SUN1: variants seen among roughly 807,000 people sequenced by gnomAD.
SUN1 encodes the protein SUN domain-containing protein 1.
SUN1 carries 61 observed loss-of-function variants against 103.2 expected under a neutral mutation model. That is an observed-to-expected ratio of 0.59 (90% confidence interval 0.48 to 0.73). The LOEUF (loss-of-function observed/expected upper bound fraction) is 0.73, where lower values mean the gene tolerates loss of function less well. Ranked by LOEUF, SUN1 falls within the 30% of genes least tolerant of loss-of-function variation. The probability of loss-of-function intolerance (pLI) is 0.00; values close to 1 mark genes in which losing one functional copy is unlikely to be tolerated. For missense variants in SUN1, 1,052 were observed against 1,034.6 expected, an observed-to-expected ratio of 1.02 and a Z score of -0.23; for synonymous variants, 490 against 425.7, an observed-to-expected ratio of 1.15 and a Z score of -1.86.
intron 9 of SUN1, 58 bp from the exon 10 acceptor site, chr7:853,351 T>C (rs1218889005): frequency 1.3e-6 from 2 of 1,593,774 alleles, no homozygotes; most frequent in Non-Finnish European, 1.7e-6. Flanking sequence ...GAGGTTTAAC[T>C]GACTCTGTGC....
chr7:848,466 CT>C (rs777482336), intron 5 of SUN1: 4 of 1,364,224 alleles, frequency 2.9e-6, no homozygotes, highest in Admixed American at 1.9e-5. Flanking sequence ...GCCAGATACA[CT>C]GCATCATCTT....
chr7:843,999 C>A, intron 5 of SUN1: 1 of 591,748 alleles, frequency 1.7e-6, no homozygotes, highest in Non-Finnish European at 2.2e-6. Flanking sequence ...ACCTGTAGGT[C>A]TGGGAAGGAC....
chr7:834,783 T>C (rs1395765239), intron 1 of SUN1, among the ~76,000 whole-genome samples: 2 of 151,700 alleles, frequency 1.3e-5, no homozygotes, highest in Non-Finnish European at 2.9e-5. Flanking sequence ...AAATTTTTTT[T>C]CTCTTTTGGG....
At chr7:839,575 A>T (rs1427393635) in intron 2 of SUN1, among the ~76,000 whole-genome samples, 1 of 116,430 alleles carries the variant, frequency 8.6e-6, no homozygotes, top group South Asian at 2.8e-4. Flanking sequence ...TTTGAGACAG[A>T]GTCTCACTTC....
chr7:861,638 G>C (rs1252131525), intron 15 of SUN1, among the ~76,000 whole-genome samples, 174 bp downstream of exon 15: 2 of 152,252 alleles, frequency 1.3e-5, no homozygotes, highest in African/African-American at 4.8e-5. Flanking sequence ...TTCCTGGCCA[G>C]TTGTGTTTGG....
At chr7:823,887 C>G (rs1788799456) in intron 1 of SUN1, among the ~76,000 whole-genome samples, 1 of 152,110 alleles carries the variant, frequency 6.6e-6, no homozygotes, top group South Asian at 2.1e-4. Flanking sequence ...GCGGAAATGC[C>G]CAACAGGAAA....
At chr7:854,784 C>T in intron 10 of SUN1, 136 bp from the exon 11 acceptor site, 1 of 610,048 alleles carries the variant, frequency 1.6e-6, no homozygotes, top group Non-Finnish European at 2.9e-6. Context: ...CGGATTATTC[C>T]TTTAGGGTCC....
chr7:873,158 G>T, intron 18 of SUN1, 57 bp from the exon 19 acceptor site: 1 of 1,482,796 alleles, frequency 6.7e-7, no homozygotes. Context: ...GGAAGTGATT[G>T]GACTTGGGGT....
chr7:820,059 C>G (rs1362751904), intron 1 of SUN1, among the ~76,000 whole-genome samples: 2 of 152,184 alleles, frequency 1.3e-5, no homozygotes, highest in East Asian at 3.9e-4. Flanking sequence ...TATTTGGGAC[C>G]CATTGCAGTT....
At chr7:846,427 A>G (rs1815840866) in intron 5 of SUN1, among the ~76,000 whole-genome samples, 3 of 151,960 alleles carry the variant, frequency 2.0e-5, no homozygotes, top group African/African-American at 7.2e-5. Context: ...TGTATCTTTT[A>G]AAGTGAGAGG....
chr7:872,480 A>C lies in SUN1; in HGVS notation c.2159A>C (p.Asn720Thr). The C allele has an allele frequency of 1.2e-6, 2 of 1,602,692 alleles. No individual in the cohort carries two copies. Among genetic ancestry groups the C allele is most frequent in the Non-Finnish European group, 1.7e-6 (2 of 1,174,452 alleles). Residue 720 changes from asparagine to threonine, a missense_variant, in exon 18 of 19, where the codon AAT (asparagine) becomes ACT (threonine). Transcript: ENST00000401592. Reference protein sequence around the residue: ...PKDFAVYGLENEYQEEGQLLG... With the variant: ...PKDFAVYGLETEYQEEGQLLG... Reference sequence around the variant, plus strand: ...TGGTCTTGTTTTCAGGGATTAGAAAATGAGTATCAGGAAGAAGGGCAGCTT... The same window carrying C: ...TGGTCTTGTTTTCAGGGATTAGAAACTGAGTATCAGGAAGAAGGGCAGCTT...
At chr7:851,161 G>A (rs1437069804) in intron 5 of SUN1, 4 of 372,004 alleles carry the variant, frequency 1.1e-5, no homozygotes, top group Non-Finnish European at 2.0e-5. Context: ...AGAAGTGAGT[G>A]AAAACTATTA....
intron 13 of SUN1, among the ~76,000 whole-genome samples, chr7:859,097 G>A (rs907744752): frequency 1.3e-5 from 2 of 150,480 alleles, no homozygotes; most frequent in Admixed American, 6.6e-5. Context: ...AGGTTGCAGC[G>A]AGCCAAGATC....
intron 5 of SUN1, chr7:848,279 G>T: frequency 1.4e-6 from 1 of 733,470 alleles, no homozygotes; most frequent in East Asian, 5.8e-5. Flanking sequence ...TCCACTGCCA[G>T]CTGGGCTCTT....
At chr7:845,305 C>T (rs1024509659) in intron 5 of SUN1, among the ~76,000 whole-genome samples, 4 of 152,086 alleles carry the variant, frequency 2.6e-5, no homozygotes, top group Non-Finnish European at 4.4e-5. Flanking sequence ...ACGTCGGTGT[C>T]GTGGCGCCTC....
rs1380655800 is a variant in SUN1 at position 869,327 on chromosome 7, C to T, written c.1981-22C>T. On this transcript the variant is annotated intron_variant, in intron 16 of 18. Transcript: ENST00000401592. Reference sequence around the variant, plus strand: ...TAAGAGCATGCTCACACTCTGAGTCCTCATGTTTTTCCTTTCCCCAGCCTG... The same window carrying T: ...TAAGAGCATGCTCACACTCTGAGTCTTCATGTTTTTCCTTTCCCCAGCCTG... 9 of 1,610,262 alleles carry T rather than the reference C, an allele frequency of 5.6e-6. No homozygotes were observed. The African/African-American group carries it at 1.2e-4, about 22-fold the overall frequency.
At chr7:823,115 G>C (rs547578659) in intron 1 of SUN1, among the ~76,000 whole-genome samples, 1 of 152,380 alleles carries the variant, frequency 6.6e-6, no homozygotes, top group East Asian at 1.9e-4. Context: ...GTGGCAAAGC[G>C]AGCAGGGTGC....
At chr7:862,459 C>T (rs1832951224) in intron 15 of SUN1, among the ~76,000 whole-genome samples, 1 of 152,218 alleles carries the variant, frequency 6.6e-6, no homozygotes, top group Non-Finnish European at 1.5e-5. Flanking sequence ...ATAAAAATGG[C>T]TGGATTCTTC....
intron 1 of SUN1, among the ~76,000 whole-genome samples, chr7:824,271 C>G (rs1789211850): frequency 6.6e-6 from 1 of 152,226 alleles, no homozygotes; most frequent in African/African-American, 2.4e-5. Flanking sequence ...AGGAAATGCA[C>G]ATGAAAGCTG....
Sources: allele counts gnomAD v4.1 joint callset (sites outside exome capture counted in the v4.1 genomes callset), GRCh38; gene constraint gnomAD v4.1.1; transcripts MANE v1.5; gene names NCBI Gene and HGNC (gene_info 2026-07-23, HGNC 2026-07-21).